The following ARMC10 variants were observed in gnomAD, a reference collection of about 807,000 sequenced individuals.
The protein encoded by ARMC10 is armadillo repeat containing 10.
A neutral mutation model predicts 30.2 loss-of-function variants in ARMC10; 23 were observed. The ratio of observed to expected loss-of-function variants is 0.76; its 90% CI spans 0.55 to 1.08. The LOEUF (loss-of-function observed/expected upper bound fraction) is 1.08, where lower values mean the gene tolerates loss of function less well. Among genes scored for constraint, ARMC10 ranks in the 50% least tolerant of loss-of-function variants. ARMC10 has a pLI of 0.00. For missense variants in ARMC10, 303 were observed against 413.7 expected (o/e 0.73, Z 2.32); for synonymous variants, 111 against 164.4 (o/e 0.68, Z 2.48).
chr7:103,077,638 CT>C (rs1432637081), intron 2 of ARMC10, among the ~76,000 whole-genome samples: 1 of 152,188 alleles, frequency 6.6e-6, no homozygotes, highest in Non-Finnish European at 1.5e-5. Context: ...CCTCTCAATA[CT>C]GCCACATTGG....
chr7:103,081,764 T>C (rs556830306), intron 2 of ARMC10: 1 of 378,536 alleles, frequency 2.6e-6, no homozygotes. Flanking sequence ...ATTTATCACA[T>C]TTCTGCCATG....
At chr7:103,087,865 C>T (rs1358601036) in intron 4 of ARMC10, 16 of 777,788 alleles carry the variant, frequency 2.1e-5, no homozygotes, top group Non-Finnish European at 2.2e-5. Flanking sequence ...TACAGAATTA[C>T]AGATTACTAT....
intron 4 of ARMC10, among the ~76,000 whole-genome samples, chr7:103,092,173 A>G (rs949707774): frequency 6.6e-6 from 1 of 152,038 alleles, no homozygotes; most frequent in African/African-American, 2.4e-5. Flanking sequence ...TCTACTAAAA[A>G]TACAAAAAAA....
rs1802029978 is a variant in ARMC10 at position 103,099,284 on chromosome 7, CAAT to C, written c.*733_*735del. The C allele has an allele frequency of 7.3e-6, 1 of 137,418 alleles. No individual in the cohort carries two copies. Among genetic ancestry groups the C allele is most frequent in the Non-Finnish European group, 1.6e-5 (1 of 63,286 alleles). 8.5% of individuals were successfully genotyped at this position (137,418 alleles called of 1,614,324 possible). The stretch of plus-strand genomic sequence containing the variant: ...TCGGGAGTTTGAGACCAAGCCTGAC[CAAT>C]ATGGAGAAACCCTGTCTCTACTAAG... On this transcript the variant is annotated 3_prime_UTR_variant, in exon 7 of 7. Coordinates refer to ENST00000323716, the MANE Select transcript of ARMC10 (RefSeq NM_031905.5).
intron 3 of ARMC10, among the ~76,000 whole-genome samples, chr7:103,084,415 C>T (rs146835280): frequency 6.6e-6 from 1 of 152,108 alleles, no homozygotes; most frequent in Admixed American, 6.5e-5. Flanking sequence ...GTCATAAGTA[C>T]AAAATTATTT....
chr7:103,081,129 A>G (rs1253132030), intron 2 of ARMC10, among the ~76,000 whole-genome samples: 1 of 152,208 alleles, frequency 6.6e-6, no homozygotes, highest in Non-Finnish European at 1.5e-5. Flanking sequence ...CACTTAGCAG[A>G]TGAGTAAACT....
intron 3 of ARMC10, among the ~76,000 whole-genome samples, chr7:103,086,355 C>T (rs1436447313): frequency 6.6e-6 from 1 of 152,026 alleles, no homozygotes; most frequent in Non-Finnish European, 1.5e-5. Flanking sequence ...GCTTCAAGAT[C>T]GTTATAGTAT....
At chr7:103,079,864 T>G (rs1013338335) in intron 2 of ARMC10, among the ~76,000 whole-genome samples, 1 of 152,226 alleles carries the variant, frequency 6.6e-6, no homozygotes, top group African/African-American at 2.4e-5. Flanking sequence ...TAGGAGTTCC[T>G]GTAGTGAGAA....
Position 103,098,310 on chromosome 7 carries a change from A to G in ARMC10, c.789A>G (p.Ser263=). 2 of 1,567,586 alleles carry G rather than the reference A, an allele frequency of 1.3e-6. No homozygotes were observed. The highest frequency in any genetic ancestry group is 2.7e-5 in the African/African-American group (2 of 73,296). Residue 263 remains serine (S), a synonymous_variant, in exon 7 of 7, where the codon TCA becomes TCG. Coordinates refer to ENST00000323716, the MANE Select transcript of ARMC10 (RefSeq NM_031905.5). Reference sequence around the variant, plus strand: ...GTTTCATATTTCAGGTGGATTCATCATTCCTTTCCCTTTATGACAGCCACG... The same window carrying G: ...GTTTCATATTTCAGGTGGATTCATCGTTCCTTTCCCTTTATGACAGCCACG... ...EGLLRAQVDS[S]FLSLYDSHVA...
rs150362226 is a variant in ARMC10, at chr7:103,093,232, A to G, written c.705+579A>G. Reference sequence around the variant, plus strand: ...CCATTTTTCAAGAAAAAGTAGCATAAAAATAGATTGTAGGCTAATTAAAAG... The same window carrying G: ...CCATTTTTCAAGAAAAAGTAGCATAGAAATAGATTGTAGGCTAATTAAAAG... On this transcript the variant is annotated intron_variant, in intron 5 of 6. Transcript: ENST00000323716. Among the ~76,000 whole-genome samples, 732 of 152,338 alleles carry G rather than the reference A, an allele frequency of 4.8e-3. 6 individuals are homozygous for G. The highest frequency in any genetic ancestry group is 0.017 in the African/African-American group (692 of 41,568).
chr7:103,085,648 C>T (rs772796978), intron 3 of ARMC10, among the ~76,000 whole-genome samples: 4 of 143,994 alleles, frequency 2.8e-5, no homozygotes, highest in South Asian at 2.1e-4. Context: ...GGCAGAGTCT[C>T]ACTCTGTTGC....
At position 103,098,988 on chromosome 7, in the gene ARMC10, A is replaced by G. The variant is rs982743202; in HGVS notation, c.*435A>G. On this transcript the variant is annotated 3_prime_UTR_variant, in exon 7 of 7. Coordinates refer to ENST00000323716, the MANE Select transcript of ARMC10 (RefSeq NM_031905.5). ...AGGCCATTCACCTGCCAACCTGACC[A>G]TACTGCTTTCAAAAGTCTTTTCTCA... 2 of 80,414 alleles carry G rather than the reference A, an allele frequency of 2.5e-5. No individual in the cohort carries two copies. Among genetic ancestry groups the G allele is most frequent in the African/African-American group, 6.4e-5 (2 of 31,406 alleles). The allele number at this position is 80,414 out of a possible 1,614,324, so 5.0% of individuals were successfully genotyped here.
At chr7:103,076,375 T>C (rs1233575313) in intron 2 of ARMC10, among the ~76,000 whole-genome samples, 2 of 152,240 alleles carry the variant, frequency 1.3e-5, no homozygotes, top group Non-Finnish European at 2.9e-5. Context: ...ATCTTTATGA[T>C]GTGGAACCAG....
intron 2 of ARMC10, among the ~76,000 whole-genome samples, chr7:103,081,561 G>C (rs1563318661): frequency 1.3e-5 from 2 of 152,180 alleles, no homozygotes; most frequent in Non-Finnish European, 2.9e-5. Flanking sequence ...TTTTAGTAGA[G>C]ATGGGGTTTC....
intron 2 of ARMC10, among the ~76,000 whole-genome samples, chr7:103,076,687 T>C (rs918315293): frequency 8.6e-5 from 13 of 152,030 alleles, no homozygotes; most frequent in African/African-American, 3.1e-4. Context: ...ATACAAAAAT[T>C]AGCCGGGCTT....
At position 103,098,560 on chromosome 7, in the gene ARMC10, A is replaced by G; in HGVS notation, c.*7A>G. 2 of 1,544,928 alleles carry G rather than the reference A, an allele frequency of 1.3e-6. No individual in the cohort carries two copies. Among genetic ancestry groups the G allele is most frequent in the African/African-American group, 1.4e-5 (1 of 72,786 alleles). On this transcript the variant is annotated 3_prime_UTR_variant, in exon 7 of 7. Transcript: ENST00000323716. ...AATAATACCCAAAATCTGATTGGTC[A>G]TATTTTTCCAAAGAGTAATGCAGTC...
chr7:103,084,097 G>A (rs1800625986), intron 3 of ARMC10: 2 of 1,365,210 alleles, frequency 1.5e-6, no homozygotes, highest in African/African-American at 2.9e-5. Flanking sequence ...CCATTTCATG[G>A]CCTTTTAAAT....
chr7:103,079,235 A>G (rs1800162743), intron 2 of ARMC10, among the ~76,000 whole-genome samples: 1 of 152,172 alleles, frequency 6.6e-6, no homozygotes, highest in Admixed American at 6.5e-5. Flanking sequence ...CCAAATGGAC[A>G]TGGAAGGAGG....
At chr7:103,075,747 C>T (rs1412428485) in intron 1 of ARMC10, 30 bp from the exon 2 acceptor site, 2 of 1,543,436 alleles carry the variant, frequency 1.3e-6, no homozygotes, top group East Asian at 2.4e-5. Flanking sequence ...GTTGAGGGGC[C>T]CAGAGCCATA....
Sources: allele counts gnomAD v4.1 joint callset (sites outside exome capture counted in the v4.1 genomes callset), GRCh38; gene constraint gnomAD v4.1.1; transcripts MANE v1.5; gene names NCBI Gene and HGNC (gene_info 2026-07-23, HGNC 2026-07-21).